The following PIK3C2B variants were observed in gnomAD, a reference collection of about 807,000 sequenced individuals.
The protein encoded by PIK3C2B is phosphatidylinositol-4-phosphate 3-kinase catalytic subunit type 2 beta.
A neutral mutation model predicts 184.3 loss-of-function variants in PIK3C2B; 83 were observed. The ratio of observed to expected loss-of-function variants is 0.45; its 90% confidence interval spans 0.38 to 0.54. The LOEUF (loss-of-function observed/expected upper bound fraction) is 0.54. Among genes scored for constraint, PIK3C2B ranks in the 20% least tolerant of loss-of-function variants. The pLI, the probability that PIK3C2B is intolerant of heterozygous loss-of-function variation, is 0.00. For synonymous variants in PIK3C2B, 779 were observed against 837.6 expected (o/e 0.93, Z 1.21); for missense variants, 1,736 against 2,113.5 (o/e 0.82, Z 3.50).
chr1:204,464,419 G>A (rs932607048), intron 4 of PIK3C2B, 31 bp downstream of exon 4: 3 of 1,597,986 alleles, frequency 1.9e-6, no homozygotes, highest in Non-Finnish European at 2.6e-6. Flanking sequence ...TTCAAGGGAT[G>A]CTCACATCCT....
intron 1 of PIK3C2B, among the ~76,000 whole-genome samples, chr1:204,472,103 G>A (rs1199802546): frequency 2.6e-5 from 4 of 151,854 alleles, no homozygotes. Flanking sequence ...TGGTGGTAAC[G>A]ACAAGGTCAG....
chr1:204,476,462 T>C (rs1322278147), intron 1 of PIK3C2B, among the ~76,000 whole-genome samples: 1 of 152,128 alleles, frequency 6.6e-6, no homozygotes, highest in African/African-American at 2.4e-5. Context: ...GGATGGATCG[T>C]TTGGACCTGG....
intron 1 of PIK3C2B, among the ~76,000 whole-genome samples, chr1:204,492,471 T>C (rs543028300): frequency 2.6e-4 from 40 of 152,282 alleles, no homozygotes; most frequent in African/African-American, 9.1e-4. Context: ...CTCATTTTTC[T>C]ACCCACTGGT....
chr1:204,428,924 G>A (rs1674890251), intron 29 of PIK3C2B: 2 of 455,296 alleles, frequency 4.4e-6, no homozygotes, highest in Non-Finnish European at 8.8e-6. Context: ...ACCCTAAAAA[G>A]TTTAAAAAGA....
At position 204,469,808 on chromosome 1, in the gene PIK3C2B, G is replaced by A. The variant is rs758862428; in HGVS notation, c.-6C>T. 2 of 1,603,534 alleles carry A rather than the reference G, an allele frequency of 1.2e-6. No homozygotes were observed. The highest frequency in any genetic ancestry group is 1.7e-5 in the Admixed American group (1 of 59,920). ...TTGCCCTGAGTCGAAGACATGGTGA[G>A]GATGGGGGACACAGGCAACAAAGTC... On this transcript the variant is annotated 5_prime_UTR_variant, in exon 2 of 33. Transcript: ENST00000684373.
rs746886650 is a variant in PIK3C2B at position 204,469,266 on chromosome 1, T to TGAGGGGGACCCCTTTCTGGGAGGCAGGG, written c.509_536dup (p.Ser180ProfsTer18). ...CACTGGGCTGGGAGATCTTGGAGGA[T>TGAGGGGGACCCCTTTCTGGGAGGCAGGG]GAGGGGGACCCCTTTCTGGGAGGCA... is the stretch of plus-strand genomic sequence containing the variant. On this transcript the variant is annotated frameshift_variant, in exon 2 of 33. Coordinates refer to ENST00000684373, the MANE Select transcript of PIK3C2B (RefSeq NM_001377334.1). LOFTEE classifies it high-confidence loss of function. 5 of 1,562,414 alleles carry TGAGGGGGACCCCTTTCTGGGAGGCAGGG rather than the reference T, an allele frequency of 3.2e-6. No homozygotes were observed. Among genetic ancestry groups the TGAGGGGGACCCCTTTCTGGGAGGCAGGG allele is most frequent in the Non-Finnish European group, 3.5e-6 (4 of 1,153,086 alleles).
At chr1:204,486,290 G>A (rs961770148) in intron 1 of PIK3C2B, among the ~76,000 whole-genome samples, 10 of 151,922 alleles carry the variant, frequency 6.6e-5, no homozygotes, top group Non-Finnish European at 1.5e-4. Context: ...AGCTACTCAG[G>A]AGGCTGAGGC....
At chr1:204,451,763 A>G (rs1572334758) in intron 12 of PIK3C2B, among the ~76,000 whole-genome samples, 1 of 152,242 alleles carries the variant, frequency 6.6e-6, no homozygotes, top group South Asian at 2.1e-4. Flanking sequence ...TTATACAGAT[A>G]GTATTTTCAT....
intron 1 of PIK3C2B, among the ~76,000 whole-genome samples, chr1:204,475,450 G>A (rs1177260424): frequency 6.6e-6 from 1 of 152,138 alleles, no homozygotes; most frequent in East Asian, 1.9e-4. Flanking sequence ...TTTCCACTGA[G>A]CTTGAACTGG....
intron 5 of PIK3C2B, among the ~76,000 whole-genome samples, chr1:204,463,611 T>C (rs997012972): frequency 6.6e-6 from 1 of 152,148 alleles, no homozygotes; most frequent in Non-Finnish European, 1.5e-5. Flanking sequence ...ACAAGGGAAC[T>C]TCTGCCCAGT....
In PIK3C2B at chr1:204,459,952, G is replaced by C; in HGVS notation, c.1503-11C>G. ...AGACTCAGGGCCTGCCTGGGAGTTG[G>C]GGGCAGGGAAAAACCACAGGAGAGG... On this transcript the variant is annotated splice_polypyrimidine_tract_variant and intron_variant, in intron 7 of 32. Transcript: ENST00000684373. 1.2e-6 allele frequency: 2 copies of C among 1,613,126 alleles called. No individual in the cohort carries two copies.
rs1481002784 is a variant in PIK3C2B, at chr1:204,470,464, AGCC to A, written c.-84-581_-84-579del. 2.6e-5 allele frequency among the ~76,000 whole-genome samples: 4 copies of A among 152,304 alleles called. No homozygotes were observed. The East Asian group carries it at 7.7e-4, about 29-fold the overall frequency. On this transcript the variant is annotated intron_variant, in intron 1 of 32. Transcript: ENST00000684373. ...ATTACAGGCGTGAGCTACCACGCCC[AGCC>A]AAGAGGCACCTTCTATTAGCCAAGA... is the stretch of plus-strand genomic sequence containing the variant.
chr1:204,454,550 G>T, intron 12 of PIK3C2B, 119 bp downstream of exon 12: 2 of 1,010,028 alleles, frequency 2.0e-6, no homozygotes, highest in Non-Finnish European at 1.4e-6. Context: ...TCCAGTTAGG[G>T]TTAACAAGGA....
intron 16 of PIK3C2B, among the ~76,000 whole-genome samples, chr1:204,445,216 A>AAC (rs2103484264): frequency 6.6e-6 from 1 of 152,154 alleles, no homozygotes; most frequent in East Asian, 1.9e-4. Context: ...GAAAAAAAAA[A>AAC]AAAAACAGAA....
intron 5 of PIK3C2B, among the ~76,000 whole-genome samples, chr1:204,461,945 T>C (rs1326345732): frequency 4.6e-5 from 7 of 151,906 alleles, no homozygotes; most frequent in Non-Finnish European, 5.9e-5. Context: ...CTAGCAGATT[T>C]CTGGAACCCC....
chr1:204,426,262 G>GGGT (rs1674734619), intron 31 of PIK3C2B, among the ~76,000 whole-genome samples: 2 of 152,202 alleles, frequency 1.3e-5, no homozygotes, highest in African/African-American at 4.8e-5. Flanking sequence ...CTTACTATCA[G>GGGT]GGTGAGGTGC....
chr1:204,455,712 C>T (rs1011569632), intron 11 of PIK3C2B, 144 bp downstream of exon 11: 3 of 664,574 alleles, frequency 4.5e-6, no homozygotes, highest in Non-Finnish European at 7.5e-6. Context: ...CTTGGCTCAC[C>T]CCCGCAGCCC....
chr1:204,484,814 T>C (rs1657458581), intron 1 of PIK3C2B, among the ~76,000 whole-genome samples: 1 of 151,112 alleles, frequency 6.6e-6, no homozygotes, highest in Non-Finnish European at 1.5e-5. Context: ...TCCCAGAACA[T>C]TTCACTCTCC....
chr1:204,434,608 C>T lies in PIK3C2B; in HGVS notation c.3517G>A (p.Ala1173Thr), dbSNP rs138629936. 1.2e-5 allele frequency: 20 copies of T among 1,610,902 alleles called. No homozygotes were observed. The highest frequency in any genetic ancestry group is 2.7e-5 in the African/African-American group (2 of 74,876). Residue 1173 changes from alanine (A) to threonine (T), a missense_variant and splice_region_variant, in exon 24 of 33, where the codon GCT (alanine) becomes ACT (threonine). Ala to Thr is a moderately conservative substitution (Grantham distance 58, BLOSUM62 0). Around this residue, in one of 8 missense-constraint regions of PIK3C2B, gnomAD observed 289 missense variants for 380.4 expected, o/e 0.76. Coordinates refer to ENST00000684373, the MANE Select transcript of PIK3C2B (RefSeq NM_001377334.1). The part of the protein sequence containing the change: ...HNPGEDEYEK[A>T]VENFIYSCAG... ...CAGGAGTAGATAAAGTTCTCCACAGCCTGGGAGGGGTCAAGGCAGATGGGA... is the reference window on the plus strand; with the variant it reads ...CAGGAGTAGATAAAGTTCTCCACAGTCTGGGAGGGGTCAAGGCAGATGGGA...
Sources: allele counts gnomAD v4.1 joint callset (sites outside exome capture counted in the v4.1 genomes callset), GRCh38; gene constraint gnomAD v4.1.1; regional missense constraint gnomAD v4.1.1; transcripts MANE v1.5; gene names NCBI Gene and HGNC (gene_info 2026-07-23, HGNC 2026-07-21).